The following UNC5C variants were observed in gnomAD, a reference collection of about 807,000 sequenced individuals.
UNC5C encodes netrin receptor UNC5C.
In UNC5C, 47 loss-of-function variants were observed where a neutral mutation model predicts 99.8. That is an observed-to-expected ratio of 0.47 (90% confidence interval 0.37 to 0.60). The LOEUF is 0.60. UNC5C is among the 20% of genes least tolerant of loss of function. The pLI, the probability that UNC5C is intolerant of heterozygous loss-of-function variation, is 0.00. For missense variants in UNC5C, 1,062 were observed against 1,165.9 expected, an observed-to-expected ratio of 0.91 and a Z score of 1.30; for synonymous variants, 487 against 452.2, an observed-to-expected ratio of 1.08 and a Z score of -0.98.
chr4:95,447,405 A>G (rs1747136820), intron 1 of UNC5C, among the ~76,000 whole-genome samples: 1 of 152,238 alleles, frequency 6.6e-6, no homozygotes, highest in Non-Finnish European at 1.5e-5. Context: ...AAGGAAAGTT[A>G]TATTACAAAA....
intron 12 of UNC5C, among the ~76,000 whole-genome samples, chr4:95,191,364 A>G (rs6826148): frequency 0.034 from 5,165 of 152,212 alleles, 291 homozygotes; most frequent in African/African-American, 0.12. Flanking sequence ...GATGCTTTGA[A>G]GTATATCTAT....
At chr4:95,185,286 C>T (rs1381681370) in intron 12 of UNC5C, 90 bp from the exon 13 acceptor site, 1 of 1,468,568 alleles carries the variant, frequency 6.8e-7, no homozygotes, top group East Asian at 2.3e-5. Context: ...TTACTGCCTC[C>T]TGAATGGCAG....
At chr4:95,417,748 C>T (rs1013807176) in intron 1 of UNC5C, among the ~76,000 whole-genome samples, 1 of 152,156 alleles carries the variant, frequency 6.6e-6, no homozygotes, top group Non-Finnish European at 1.5e-5. Context: ...TGCGTGTATG[C>T]TTCTGACATC....
chr4:95,185,107 G>T lies in UNC5C; in HGVS notation c.2226C>A (p.Arg742=). Residue 742 remains arginine, a synonymous_variant, in exon 13 of 16, where the codon CGC becomes CGA. Transcript: ENST00000453304. The part of the protein sequence containing the change: ...LHFKGSTHNL[R]LSIHDIAHSL... ...AATGGGCGATATCGTGAATTGACAGGCGCAGGTTGTGGGTGCTGCCTTTAA... is the reference window on the plus strand; with the variant it reads ...AATGGGCGATATCGTGAATTGACAGTCGCAGGTTGTGGGTGCTGCCTTTAA... The T allele has an allele frequency of 6.2e-7, 1 of 1,614,004 alleles. No homozygotes were observed. The highest frequency in any genetic ancestry group is 8.5e-7 in the Non-Finnish European group (1 of 1,180,006).
rs1450858947 is a variant in UNC5C, at chr4:95,369,366, CAT to C, written c.125-33737_125-33736del. On this transcript the variant is annotated intron_variant, in intron 1 of 15. Transcript: ENST00000453304. ...AGGAGTTTGAGACCAGCCTGGGAAA[CAT>C]AATGAAACCCCAACTCTACAAAAAA... Among the ~76,000 whole-genome samples the C allele has an allele frequency of 5.1e-4, 77 of 151,664 alleles. 2 individuals are homozygous for C.
chr4:95,465,887 C>T (rs1267315850), intron 1 of UNC5C, among the ~76,000 whole-genome samples: 1 of 152,108 alleles, frequency 6.6e-6, no homozygotes, highest in African/African-American at 2.4e-5. Flanking sequence ...TTTCTATCTT[C>T]ACCAATATTC....
chr4:95,474,596 A>G (rs1449914978), intron 1 of UNC5C, among the ~76,000 whole-genome samples: 1 of 152,058 alleles, frequency 6.6e-6, no homozygotes, highest in Non-Finnish European at 1.5e-5. Flanking sequence ...CCTATGGTAC[A>G]TATAATTTTA....
At chr4:95,286,614 T>C (rs189171663) in intron 3 of UNC5C, among the ~76,000 whole-genome samples, 302 of 152,290 alleles carry the variant, frequency 2.0e-3, no homozygotes, top group Non-Finnish European at 3.8e-3. Flanking sequence ...GTTTCATATG[T>C]CTCCAGGGGC....
intron 12 of UNC5C, 57 bp from the exon 13 acceptor site, chr4:95,185,253 GCT>G: frequency 1.3e-6 from 2 of 1,534,184 alleles, no homozygotes; most frequent in South Asian, 2.6e-5. Flanking sequence ...ACTTCTGTCA[GCT>G]CTCTCATTGA....
At position 95,242,696 on chromosome 4, in the gene UNC5C, A is replaced by G. The variant is rs1443500682; in HGVS notation, c.944-103T>C. 4.9e-5 allele frequency: 63 copies of G among 1,282,592 alleles called. 1 individual carries two copies. The South Asian group carries it at 7.6e-4, about 15-fold the overall frequency. 79.5% of individuals were successfully genotyped at this position (1,282,592 alleles called of 1,614,324 possible). ...ACAACAAAACAAAACAAGAACAAGC[A>G]TGCCCTACTGAGAAGCACTGTATTC... On this transcript the variant is annotated intron_variant, in intron 6 of 15. Coordinates refer to ENST00000453304, the MANE Select transcript of UNC5C (RefSeq NM_003728.4).
chr4:95,438,018 A>G (rs1270121618), intron 1 of UNC5C, among the ~76,000 whole-genome samples: 1 of 152,068 alleles, frequency 6.6e-6, no homozygotes, highest in African/African-American at 2.4e-5. Context: ...TTCCATCACT[A>G]TAACAAAACT....
intron 7 of UNC5C, among the ~76,000 whole-genome samples, chr4:95,224,679 T>C (rs1190383170): frequency 6.6e-6 from 1 of 152,196 alleles, no homozygotes; most frequent in Non-Finnish European, 1.5e-5. Context: ...TTCTGGGTTC[T>C]GTTGTAGACA....
intron 1 of UNC5C, among the ~76,000 whole-genome samples, chr4:95,483,000 A>C (rs1449996463): frequency 2.4e-5 from 2 of 82,484 alleles, no homozygotes; most frequent in African/African-American, 1.5e-4. Context: ...CCTAAAACTT[A>C]AAGTATAATA....
intron 14 of UNC5C, 56 bp from the exon 15 acceptor site, chr4:95,170,388 C>G: frequency 3.2e-6 from 5 of 1,570,876 alleles, no homozygotes; most frequent in Non-Finnish European, 4.4e-6. Flanking sequence ...AAAGCAATCT[C>G]TATTGAACCA....
At chr4:95,342,329 G>A (rs542063426) in intron 1 of UNC5C, among the ~76,000 whole-genome samples, 9 of 152,038 alleles carry the variant, frequency 5.9e-5, no homozygotes, top group African/African-American at 1.4e-4. Context: ...GCTCAGCCAC[G>A]GTAGGATAGG....
chr4:95,505,137 G>C (rs1449464553), intron 1 of UNC5C, among the ~76,000 whole-genome samples: 1 of 152,030 alleles, frequency 6.6e-6, no homozygotes, highest in Non-Finnish European at 1.5e-5. Context: ...TCCGTTATCA[G>C]AATTTGATTC....
intron 2 of UNC5C, among the ~76,000 whole-genome samples, chr4:95,308,123 C>A (rs1418444193): frequency 6.6e-6 from 1 of 152,038 alleles, no homozygotes; most frequent in African/African-American, 2.4e-5. Flanking sequence ...ATCAATTATG[C>A]AAGAGGAAAA....
chr4:95,439,814 G>A (rs1205121088), intron 1 of UNC5C, among the ~76,000 whole-genome samples: 1 of 152,106 alleles, frequency 6.6e-6, no homozygotes, highest in Admixed American at 6.6e-5. Flanking sequence ...GTCAGGGCGT[G>A]TATTGACCCC....
chr4:95,279,203 G>A (rs1347810467), intron 3 of UNC5C, among the ~76,000 whole-genome samples: 1 of 152,182 alleles, frequency 6.6e-6, no homozygotes, highest in Non-Finnish European at 1.5e-5. Context: ...GGTGTCTCAA[G>A]TACAAGGCAG....
Sources: gnomAD v4.1 joint callset for allele counts (sites outside exome capture counted in the v4.1 genomes callset) on GRCh38, gnomAD v4.1.1 for gene constraint, MANE v1.5 for transcripts, NCBI Gene and HGNC (gene_info 2026-07-23, HGNC 2026-07-21) for gene names.